RCAN2: variants seen among roughly 807,000 people sequenced by gnomAD.
RCAN2 encodes the protein calcipressin-2.
In RCAN2, 9 loss-of-function variants were observed where a neutral mutation model predicts 23.6. The observed-to-expected ratio is 0.38, with a 90% CI of 0.23 to 0.67. The LOEUF (loss-of-function observed/expected upper bound fraction) is 0.67. Ranked by LOEUF, RCAN2 falls within the 30% of genes least tolerant of loss-of-function variation. The probability of loss-of-function intolerance (pLI) is 0.51; values close to 1 mark genes in which losing one functional copy is unlikely to be tolerated. For synonymous variants in RCAN2, 109 were observed against 115.7 expected, an observed-to-expected ratio of 0.94 and a Z score of 0.37; for missense variants, 273 against 302.3, an observed-to-expected ratio of 0.90 and a Z score of 0.72.
Position 46,364,231 on chromosome 6 carries a change from G to A in RCAN2, c.225+92521C>T, listed in dbSNP as rs187580857. Among the ~76,000 whole-genome samples, 24 of 152,142 alleles carry A rather than the reference G, an allele frequency of 1.6e-4. No homozygotes were observed. The East Asian group carries it at 4.3e-3, about 27-fold the overall frequency. ...ACCTTTAGAGAGAACTAAATAAAGGGGTGGGGAACAAAGGTATGACATGGG... is the reference window on the plus strand; with the variant it reads ...ACCTTTAGAGAGAACTAAATAAAGGAGTGGGGAACAAAGGTATGACATGGG... On this transcript the variant is annotated intron_variant, in intron 2 of 4. Coordinates refer to ENST00000371374, the MANE Select transcript of RCAN2 (RefSeq NM_001251974.2).
chr6:46,486,200 C>T (rs942055158), intron 1 of RCAN2, among the ~76,000 whole-genome samples: 1 of 152,170 alleles, frequency 6.6e-6, no homozygotes, highest in Admixed American at 6.5e-5. Context: ...ACTCAGAGAA[C>T]CGGCACTGAG....
At chr6:46,423,524 T>C (rs1247467508) in intron 2 of RCAN2, among the ~76,000 whole-genome samples, 3 of 152,234 alleles carry the variant, frequency 2.0e-5, no homozygotes, top group Non-Finnish European at 4.4e-5. Flanking sequence ...TATGGACTTA[T>C]TAGCTCGAGA....
At chr6:46,265,158 G>A (rs770377744) in intron 2 of RCAN2, among the ~76,000 whole-genome samples, 1 of 152,158 alleles carries the variant, frequency 6.6e-6, no homozygotes, top group African/African-American at 2.4e-5. Context: ...CTGGAGAAAT[G>A]ATTGGAAATG....
intron 2 of RCAN2, among the ~76,000 whole-genome samples, chr6:46,388,020 G>A (rs1015801143): frequency 7.4e-4 from 112 of 151,378 alleles, no homozygotes; most frequent in Non-Finnish European, 1.1e-3. Context: ...ACCAAACACC[G>A]CACGTTCTCA....
At chr6:46,429,642 AT>A (rs752190341) in intron 2 of RCAN2, among the ~76,000 whole-genome samples, 8 of 152,176 alleles carry the variant, frequency 5.3e-5, no homozygotes, top group Non-Finnish European at 1.0e-4. Context: ...AACAAATTAT[AT>A]GCCAGGCACT....
At chr6:46,334,392 A>G (rs144370610) in intron 2 of RCAN2, among the ~76,000 whole-genome samples, 8 of 152,334 alleles carry the variant, frequency 5.3e-5, no homozygotes, top group African/African-American at 1.9e-4. Flanking sequence ...ATGAATGAAT[A>G]CATGAATGAA....
chr6:46,248,155 T>C (rs1766584437), intron 3 of RCAN2, among the ~76,000 whole-genome samples: 1 of 152,224 alleles, frequency 6.6e-6, no homozygotes, highest in Non-Finnish European at 1.5e-5. Context: ...GTGAACTTCA[T>C]AAGCATTGCC....
At chr6:46,240,818 C>G (rs1467388812) in intron 4 of RCAN2, among the ~76,000 whole-genome samples, 2 of 151,954 alleles carry the variant, frequency 1.3e-5, no homozygotes, top group Non-Finnish European at 2.9e-5. Context: ...AACACCATAC[C>G]AAGCAGTAAC....
intron 1 of RCAN2, among the ~76,000 whole-genome samples, chr6:46,479,967 G>A (rs1768812166): frequency 6.6e-6 from 1 of 152,130 alleles, no homozygotes; most frequent in African/African-American, 2.4e-5. Flanking sequence ...AATTACATAA[G>A]TCCATTGTTC....
At chr6:46,486,007 G>A (rs1400065719) in intron 1 of RCAN2, among the ~76,000 whole-genome samples, 2 of 152,110 alleles carry the variant, frequency 1.3e-5, no homozygotes, top group African/African-American at 2.4e-5. Context: ...ACTATACCAG[G>A]CCCACCTATA....
At chr6:46,386,070 C>CAG (rs1223788932) in intron 2 of RCAN2, among the ~76,000 whole-genome samples, 1 of 152,024 alleles carries the variant, frequency 6.6e-6, no homozygotes, top group Non-Finnish European at 1.5e-5. Context: ...AAACTATCAT[C>CAG]AGTCGAGCAG....
intron 4 of RCAN2, among the ~76,000 whole-genome samples, chr6:46,228,930 G>A (rs976455948): frequency 2.0e-5 from 3 of 152,122 alleles, no homozygotes; most frequent in Non-Finnish European, 1.5e-5. Context: ...TCCATGTTTA[G>A]TGCTTCCTTC....
intron 2 of RCAN2, among the ~76,000 whole-genome samples, chr6:46,305,427 C>T (rs1221788323): frequency 6.6e-6 from 1 of 152,058 alleles, no homozygotes; most frequent in Admixed American, 6.6e-5. Flanking sequence ...TGCTTCCCTT[C>T]ACTTGGCCCC....
intron 2 of RCAN2, among the ~76,000 whole-genome samples, chr6:46,453,661 A>T (rs1029842541): frequency 4.6e-5 from 7 of 152,246 alleles, no homozygotes; most frequent in African/African-American, 1.7e-4. Context: ...AGTTCAATTC[A>T]TAAATTTCCT....
At chr6:46,372,841 A>T (rs1218325968) in intron 2 of RCAN2, among the ~76,000 whole-genome samples, 1 of 152,234 alleles carries the variant, frequency 6.6e-6, no homozygotes, top group Non-Finnish European at 1.5e-5. Context: ...AAATAAGGAA[A>T]ATAGTATTCT....
intron 2 of RCAN2, among the ~76,000 whole-genome samples, chr6:46,287,049 C>T (rs1582067146): frequency 1.3e-5 from 2 of 151,876 alleles, no homozygotes; most frequent in Non-Finnish European, 1.5e-5. Flanking sequence ...CCCAACCAGG[C>T]AAAGAAACCT....
chr6:46,301,185 G>A (rs1419344933), intron 2 of RCAN2, among the ~76,000 whole-genome samples: 1 of 152,052 alleles, frequency 6.6e-6, no homozygotes, highest in Non-Finnish European at 1.5e-5. Flanking sequence ...TTGAATTTAA[G>A]AGACAAGAAC....
intron 2 of RCAN2, among the ~76,000 whole-genome samples, chr6:46,281,013 C>T (rs1452467354): frequency 1.3e-5 from 2 of 152,130 alleles, no homozygotes; most frequent in African/African-American, 2.4e-5. Flanking sequence ...ATTAGCCATA[C>T]CCCTATGGCA....
In RCAN2 at chr6:46,486,816, G is replaced by A. The variant is rs562582891; in HGVS notation, c.-3+4357C>T. Among the ~76,000 whole-genome samples, 7 of 152,266 alleles carry A rather than the reference G, an allele frequency of 4.6e-5. No individual in the cohort carries two copies. In the South Asian group the frequency reaches 1.2e-3, roughly 27 times the overall value. On this transcript the variant is annotated intron_variant, in intron 1 of 4. Coordinates refer to ENST00000371374, the MANE Select transcript of RCAN2 (RefSeq NM_001251974.2). Reference sequence around the variant, plus strand: ...ATATTTTCTGTGGGCATTCTGAACTGCAGGGAGTTTGAATTGTATTTGGAA... The same window carrying A: ...ATATTTTCTGTGGGCATTCTGAACTACAGGGAGTTTGAATTGTATTTGGAA...
Sources: gnomAD v4.1 joint callset for allele counts (sites outside exome capture counted in the v4.1 genomes callset) on GRCh38, gnomAD v4.1.1 for gene constraint, MANE v1.5 for transcripts, NCBI Gene and HGNC (gene_info 2026-07-23, HGNC 2026-07-21) for gene names.